MALRD1: variants seen among roughly 807,000 people sequenced by gnomAD.
The protein encoded by MALRD1 is MAM and LDL receptor class A domain containing 1.
Under a neutral mutation model 242.1 loss-of-function variants are expected in MALRD1, and 247 were observed. The ratio of observed to expected loss-of-function variants is 1.02; its 90% CI spans 0.92 to 1.13. The LOEUF (loss-of-function observed/expected upper bound fraction) is 1.13. MALRD1 is among the 50% of genes most tolerant of loss of function. The probability of loss-of-function intolerance (pLI) is 0.00; values close to 1 mark genes in which losing one functional copy is unlikely to be tolerated. For synonymous variants in MALRD1, 995 were observed against 866.6 expected, an observed-to-expected ratio of 1.15 and a Z score of -2.60; for missense variants, 2,989 against 2,533.1, an observed-to-expected ratio of 1.18 and a Z score of -3.86.
intron 4 of MALRD1, among the ~76,000 whole-genome samples, chr10:19,094,792 C>G (rs548152002): frequency 6.6e-6 from 1 of 152,290 alleles, no homozygotes; most frequent in East Asian, 1.9e-4. Context: ...TCTTTATTTT[C>G]TAAAGTAATT....
intron 19 of MALRD1, among the ~76,000 whole-genome samples, chr10:19,274,367 T>C (rs1483732685): frequency 1.3e-5 from 2 of 152,324 alleles, no homozygotes; most frequent in Middle Eastern, 3.4e-3. Flanking sequence ...AAAATTTATA[T>C]GTTGACATTC....
intron 35 of MALRD1, among the ~76,000 whole-genome samples, chr10:19,613,316 T>C (rs901200405): frequency 1.7e-4 from 26 of 152,010 alleles, no homozygotes; most frequent in African/African-American, 6.3e-4. Flanking sequence ...ACAGGTCGGG[T>C]CACTTCTACT....
At chr10:19,687,923 GTTATGTTATGTTAT>G in intron 36 of MALRD1, among the ~76,000 whole-genome samples, 1 of 46,568 alleles carries the variant, frequency 2.1e-5, no homozygotes, top group African/African-American at 1.0e-4. Context: ...GTTATGTTAT[GTTATGTTATGTTAT>G]GTTATGTTAT....
chr10:19,669,044 A>G (rs1037867111), intron 36 of MALRD1, among the ~76,000 whole-genome samples: 1 of 152,240 alleles, frequency 6.6e-6, no homozygotes, highest in African/African-American at 2.4e-5. Flanking sequence ...ATCCATAAAG[A>G]TTATCTGTGA....
chr10:19,110,328 G>A (rs988399800), intron 5 of MALRD1, among the ~76,000 whole-genome samples: 1 of 152,174 alleles, frequency 6.6e-6, no homozygotes, highest in Admixed American at 6.5e-5. Flanking sequence ...AGAAGCTGGT[G>A]ACAGCTGCTT....
intron 31 of MALRD1, among the ~76,000 whole-genome samples, chr10:19,514,722 A>C (rs1833553714): frequency 6.6e-6 from 1 of 152,168 alleles, no homozygotes; most frequent in Non-Finnish European, 1.5e-5. Flanking sequence ...GAAAGATCCC[A>C]TACAGACTGC....
At chr10:19,394,610 A>G (rs921783377) in intron 28 of MALRD1, among the ~76,000 whole-genome samples, 7 of 152,146 alleles carry the variant, frequency 4.6e-5, no homozygotes, top group Non-Finnish European at 7.4e-5. Context: ...CTCTGCATCC[A>G]TCCAAACCCA....
intron 33 of MALRD1, among the ~76,000 whole-genome samples, chr10:19,574,624 A>G (rs899225690): frequency 2.6e-4 from 39 of 152,210 alleles, no homozygotes; most frequent in Non-Finnish European, 4.0e-4. Flanking sequence ...GGTCTAAACT[A>G]TGGCTGTACC....
intron 31 of MALRD1, among the ~76,000 whole-genome samples, chr10:19,500,406 C>T (rs985610278): frequency 1.3e-5 from 2 of 152,192 alleles, no homozygotes; most frequent in South Asian, 2.1e-4. Flanking sequence ...AAAAGATGGA[C>T]TATACAGTAT....
At chr10:19,161,900 T>A (rs10763874) in intron 12 of MALRD1, among the ~76,000 whole-genome samples, 64,737 of 151,728 alleles carry the variant, frequency 0.43, 14,194 homozygotes, top group Admixed American at 0.49. Context: ...TGGTAGCACG[T>A]GCCTGTAGTC....
At chr10:19,315,594 T>TTAG in intron 21 of MALRD1, among the ~76,000 whole-genome samples, 1 of 43,520 alleles carries the variant, frequency 2.3e-5, no homozygotes, top group Non-Finnish European at 5.4e-5. Context: ...ATTATAAATA[T>TTAG]TTATATAAAT....
At position 19,347,986 on chromosome 10, in the gene MALRD1, C is replaced by A; in HGVS notation, c.4117C>A (p.Pro1373Thr). The change falls in exon 25 of 40, where the codon CCA (proline) becomes ACA (threonine). Residue 1373 changes from proline to threonine, a missense_variant. Pro to Thr is a conservative substitution (Grantham distance 38). Transcript: ENST00000454679. ...QPMRAARISS[P>T]VISKRSKNCK... ...CATGAGAGCTGCCAGAATTTCAAGT[C>A]CAGTTATAAGTAAGAGAAGCAAAAA... 1 of 1,550,330 alleles carries A rather than the reference C, an allele frequency of 6.5e-7. No individual in the cohort carries two copies. Among genetic ancestry groups the A allele is most frequent in the South Asian group, 1.2e-5 (1 of 84,024 alleles).
chr10:19,512,391 A>G (rs1833445725), intron 31 of MALRD1, among the ~76,000 whole-genome samples: 2 of 152,204 alleles, frequency 1.3e-5, no homozygotes, highest in African/African-American at 4.8e-5. Flanking sequence ...GCCATCAAGG[A>G]CAGCAGTAAT....
chr10:19,385,848 G>A (rs1262494120), intron 26 of MALRD1, among the ~76,000 whole-genome samples: 2 of 151,750 alleles, frequency 1.3e-5, no homozygotes, highest in East Asian at 1.9e-4. Context: ...CTTTTTTAAC[G>A]TAGGTATTTA....
chr10:19,237,522 AT>A (rs1838377412), intron 18 of MALRD1, among the ~76,000 whole-genome samples: 2 of 133,548 alleles, frequency 1.5e-5, no homozygotes, highest in Non-Finnish European at 3.2e-5. Context: ...CCATATATAT[AT>A]ATATATATAT....
chr10:19,057,930 T>C (rs1264699267), intron 1 of MALRD1, among the ~76,000 whole-genome samples: 1 of 152,198 alleles, frequency 6.6e-6, no homozygotes, highest in Non-Finnish European at 1.5e-5. Flanking sequence ...TTGTTAAAAA[T>C]ATTAAGCATA....
intron 13 of MALRD1, among the ~76,000 whole-genome samples, chr10:19,172,753 A>G (rs1835066921): frequency 6.6e-6 from 1 of 151,934 alleles, no homozygotes; most frequent in South Asian, 2.1e-4. Flanking sequence ...GAAGAATTAA[A>G]CATCTATTTT....
chr10:19,288,226 TAC>T, intron 21 of MALRD1, among the ~76,000 whole-genome samples: 1 of 152,222 alleles, frequency 6.6e-6, no homozygotes, highest in South Asian at 2.1e-4. Context: ...GGTGTTTTGA[TAC>T]AGGCATGCAA....
chr10:19,543,741 A>T (rs1835086076), intron 32 of MALRD1, among the ~76,000 whole-genome samples: 1 of 152,046 alleles, frequency 6.6e-6, no homozygotes. Context: ...ACCAATGGAG[A>T]ATTCTTGGCA....
Sources: gnomAD v4.1 joint callset for allele counts (sites outside exome capture counted in the v4.1 genomes callset) on GRCh38, gnomAD v4.1.1 for gene constraint, MANE v1.5 for transcripts, NCBI Gene and HGNC (gene_info 2026-07-23, HGNC 2026-07-21) for gene names.